RARB: variants seen among roughly 807,000 people sequenced by gnomAD.
RARB encodes HBV-activated protein.
A neutral mutation model predicts 51.9 loss-of-function variants in RARB; 17 were observed. The ratio of observed to expected loss-of-function variants is 0.33; its 90% CI spans 0.22 to 0.49. The LOEUF is 0.49. Among genes scored for constraint, RARB ranks in the 20% least tolerant of loss-of-function variants. The probability of loss-of-function intolerance (pLI) is 0.99; values close to 1 mark genes in which losing one functional copy is unlikely to be tolerated. For missense variants in RARB, 369 were observed against 550.8 expected (o/e 0.67, Z 3.30); for synonymous variants, 215 against 195.4 (o/e 1.10, Z -0.84).
intron 5 of RARB, among the ~76,000 whole-genome samples, chr3:25,342,136 TACTC>T (rs1342573716): frequency 1.3e-5 from 2 of 152,164 alleles, no homozygotes; most frequent in Admixed American, 6.6e-5. Context: ...GAAAAAGAGA[TACTC>T]AAGTTGTTAA....
At chr3:25,342,725 C>A (rs1380314629) in intron 5 of RARB, among the ~76,000 whole-genome samples, 3 of 152,178 alleles carry the variant, frequency 2.0e-5, no homozygotes, top group Non-Finnish European at 4.4e-5. Context: ...ACCTATGATA[C>A]ATTTTTCTGC....
intron 5 of RARB, among the ~76,000 whole-genome samples, chr3:25,237,369 T>C (rs1375163820): frequency 6.6e-6 from 1 of 152,138 alleles, no homozygotes; most frequent in Admixed American, 6.5e-5. Context: ...TTTTTTCCTA[T>C]CTGATCACTG....
At chr3:25,000,969 G>A (rs939234422) in intron 2 of RARB, among the ~76,000 whole-genome samples, 1 of 152,060 alleles carries the variant, frequency 6.6e-6, no homozygotes, top group African/African-American at 2.4e-5. Context: ...AATTATGGTT[G>A]ATTTTTGAAT....
At chr3:25,078,658 A>T (rs1698924974) in intron 3 of RARB, among the ~76,000 whole-genome samples, 1 of 151,638 alleles carries the variant, frequency 6.6e-6, no homozygotes, top group South Asian at 2.1e-4. Flanking sequence ...TGCCTCACCC[A>T]GTAGCTGGGA....
At chr3:24,987,000 A>G (rs1052987399) in intron 2 of RARB, among the ~76,000 whole-genome samples, 2 of 152,146 alleles carry the variant, frequency 1.3e-5, no homozygotes, top group African/African-American at 2.4e-5. Flanking sequence ...CAAAATTTGG[A>G]TGCTCATTCA....
chr3:25,512,667 C>G (rs757255093), intron 3 of RARB, among the ~76,000 whole-genome samples: 7 of 152,234 alleles, frequency 4.6e-5, no homozygotes, highest in Non-Finnish European at 1.0e-4. Context: ...CACCTTCTTC[C>G]TAAATGAGCA....
intron 2 of RARB, among the ~76,000 whole-genome samples, chr3:25,471,457 C>A (rs1695688670): frequency 6.6e-6 from 1 of 151,840 alleles, no homozygotes; most frequent in Non-Finnish European, 1.5e-5. Context: ...AAACACTTTT[C>A]TTCTTCTAAC....
intron 4 of RARB, among the ~76,000 whole-genome samples, chr3:25,144,812 A>G (rs1700162346): frequency 2.0e-5 from 3 of 152,352 alleles, no homozygotes; most frequent in South Asian, 2.1e-4. Context: ...CCTCGAGGCT[A>G]TATGGACTAA....
chr3:25,327,757 A>G (rs1448614853), intron 5 of RARB, among the ~76,000 whole-genome samples: 1 of 152,252 alleles, frequency 6.6e-6, no homozygotes, highest in Non-Finnish European at 1.5e-5. Context: ...TGACAGCTCT[A>G]TGATGGCTCT....
At chr3:24,989,242 G>A (rs926460125) in intron 2 of RARB, among the ~76,000 whole-genome samples, 6 of 152,200 alleles carry the variant, frequency 3.9e-5, no homozygotes, top group Non-Finnish European at 5.9e-5. Context: ...AGGAATGCGA[G>A]CCCATCAGAA....
intron 2 of RARB, among the ~76,000 whole-genome samples, chr3:24,889,599 T>C (rs929679048): frequency 6.6e-6 from 1 of 152,052 alleles, no homozygotes; most frequent in Non-Finnish European, 1.5e-5. Context: ...AAACTTTTTG[T>C]TTTTAATTTC....
intron 1 of RARB, among the ~76,000 whole-genome samples, chr3:24,857,451 AAT>A (rs1254889454): frequency 6.6e-6 from 1 of 152,218 alleles, no homozygotes; most frequent in African/African-American, 2.4e-5. Context: ...ATACACAACA[AAT>A]ATATTTTTTA....
chr3:25,016,344 T>C (rs866416098), intron 2 of RARB, among the ~76,000 whole-genome samples: 2 of 152,308 alleles, frequency 1.3e-5, no homozygotes, highest in Middle Eastern at 3.4e-3. Context: ...GGCAGAATAA[T>C]ACTTTGTTGT....
chr3:25,592,562 T>A (rs756103940), intron 5 of RARB, among the ~76,000 whole-genome samples: 1 of 152,208 alleles, frequency 6.6e-6, no homozygotes, highest in African/African-American at 2.4e-5. Flanking sequence ...GGATTGAGTA[T>A]CTACAGAAGC....
intron 2 of RARB, among the ~76,000 whole-genome samples, chr3:25,482,241 C>T (rs1000441764): frequency 6.6e-6 from 1 of 152,116 alleles, no homozygotes; most frequent in African/African-American, 2.4e-5. Context: ...AAACATTTGT[C>T]GCAATAAAAA....
intron 5 of RARB, among the ~76,000 whole-genome samples, chr3:25,247,356 G>A (rs1702589359): frequency 6.6e-6 from 1 of 152,176 alleles, no homozygotes. Context: ...TGTTCCAGGT[G>A]CCACTGGGAT....
At chr3:25,511,100 A>T (rs1042364556) in intron 3 of RARB, among the ~76,000 whole-genome samples, 2 of 151,464 alleles carry the variant, frequency 1.3e-5, no homozygotes, top group African/African-American at 4.9e-5. Context: ...CAGTCACTTG[A>T]CCTGAAAACC....
At chr3:25,341,647 C>A (rs915820920) in intron 5 of RARB, among the ~76,000 whole-genome samples, 7 of 151,944 alleles carry the variant, frequency 4.6e-5, no homozygotes, top group African/African-American at 1.5e-4. Flanking sequence ...ATAATTTTGC[C>A]CCCAGGGATA....
At chr3:25,010,938 C>G (rs1224137912) in intron 2 of RARB, among the ~76,000 whole-genome samples, 1 of 152,094 alleles carries the variant, frequency 6.6e-6, no homozygotes, top group African/African-American at 2.4e-5. Context: ...ATGTGACCAT[C>G]GAGGCCAAGG....
Sources: gnomAD v4.1 joint callset for allele counts (sites outside exome capture counted in the v4.1 genomes callset) on GRCh38, gnomAD v4.1.1 for gene constraint, MANE v1.5 for transcripts, NCBI Gene and HGNC (gene_info 2026-07-23, HGNC 2026-07-21) for gene names.